The following EPHB1 variants were observed in gnomAD, a reference collection of about 807,000 sequenced individuals.
EPHB1 encodes the protein EPH receptor B1, also known as ephrin type-B receptor 1.
EPHB1 carries 30 observed loss-of-function variants against 94.4 expected under a neutral mutation model. That is an observed-to-expected ratio of 0.32 (90% CI 0.24 to 0.43). The LOEUF is 0.43. Among genes scored for constraint, EPHB1 ranks in the 20% least tolerant of loss-of-function variants. The pLI, the probability that EPHB1 is intolerant of heterozygous loss-of-function variation, is 1.00. For synonymous variants in EPHB1, 522 were observed against 489.1 expected (o/e 1.07, Z -0.89); for missense variants, 1,055 against 1,308.3 (o/e 0.81, Z 2.99).
chr3:135,052,021 A>G (rs1937183797), intron 3 of EPHB1, among the ~76,000 whole-genome samples: 1 of 152,234 alleles, frequency 6.6e-6, no homozygotes, highest in Non-Finnish European at 1.5e-5. Context: ...TGGCAATTTT[A>G]TATAGGTAAC....
Position 135,192,731 on chromosome 3 carries a change from A to T in EPHB1, c.2038A>T (p.Ile680Phe), listed in dbSNP as rs368515643. The stretch of plus-strand genomic sequence containing the variant: ...CATGGGCCAGTTCGACCATCCTAAC[A>T]TCATTCGCCTGGAGGGTGTGGTCAC... ...SIMGQFDHPN[I>F]IRLEGVVTKS... The change falls in exon 11 of 16, where the codon ATC becomes TTC. Residue 680 changes from isoleucine to phenylalanine, a missense_variant. Ile to Phe is a conservative substitution (Grantham distance 21, BLOSUM62 0). Coordinates refer to ENST00000398015, the MANE Select transcript of EPHB1 (RefSeq NM_004441.5). 6.2e-7 allele frequency: 1 copy of T among 1,614,174 alleles called. No homozygotes were observed. Among genetic ancestry groups the T allele is most frequent in the Non-Finnish European group, 8.5e-7 (1 of 1,180,018 alleles).
At chr3:134,923,593 G>T (rs1271507392) in intron 1 of EPHB1, among the ~76,000 whole-genome samples, 2 of 152,176 alleles carry the variant, frequency 1.3e-5, no homozygotes, top group Non-Finnish European at 2.9e-5. Context: ...TCCTGGACAG[G>T]CTCTCAGCAT....
chr3:134,963,451 C>T (rs1933607540), intron 3 of EPHB1, among the ~76,000 whole-genome samples: 1 of 152,036 alleles, frequency 6.6e-6, no homozygotes, highest in South Asian at 2.1e-4. Flanking sequence ...ATGGTTATAA[C>T]CTGGGTATGG....
intron 6 of EPHB1, among the ~76,000 whole-genome samples, chr3:135,160,935 G>A (rs1269243706): frequency 1.3e-5 from 2 of 152,170 alleles, no homozygotes; most frequent in African/African-American, 4.8e-5. Context: ...CCGGATTTAG[G>A]GGAATGTGAG....
At position 135,096,269 on chromosome 3, in the gene EPHB1, C is replaced by T. The variant is rs75584547; in HGVS notation, c.806-10179C>T. Among the ~76,000 whole-genome samples, 1,168 of 152,284 alleles carry T rather than the reference C, an allele frequency of 7.7e-3. 6 individuals carry two copies. Among genetic ancestry groups the T allele is most frequent in the Middle Eastern group, 0.024 (7 of 294 alleles). On this transcript the variant is annotated intron_variant, in intron 3 of 15. Transcript: ENST00000398015. ...AGCACCCCTTTTTACAAATGGGGGG[C>T]TGAGGGTCAAAGTTTAAATAACTTG...
chr3:135,118,974 C>CA (rs1294755236), intron 4 of EPHB1, among the ~76,000 whole-genome samples: 1 of 152,170 alleles, frequency 6.6e-6, no homozygotes, highest in Non-Finnish European at 1.5e-5. Context: ...AAGTGTTTCC[C>CA]AGAGGCCTTG....
At chr3:135,059,138 C>T (rs936137607) in intron 3 of EPHB1, among the ~76,000 whole-genome samples, 1 of 152,234 alleles carries the variant, frequency 6.6e-6, no homozygotes, top group South Asian at 2.1e-4. Flanking sequence ...GCAGCAGATT[C>T]TTCTGTACAG....
Position 135,208,496 on chromosome 3 carries a change from A to C in EPHB1, c.2346+6807A>C, listed in dbSNP as rs188960979. Among the ~76,000 whole-genome samples the C allele has an allele frequency of 3.1e-3, 466 of 152,266 alleles. 6 individuals are homozygous for C. Among genetic ancestry groups the C allele is most frequent in the Non-Finnish European group, 2.4e-3 (166 of 68,024 alleles). On this transcript the variant is annotated intron_variant, in intron 12 of 15. Transcript: ENST00000398015. Reference sequence around the variant, plus strand: ...GATTTCTTCCTGTTTTCTTTCACCAAAAAGCCATTAAGCAGACTCAACCAG... The same window carrying C: ...GATTTCTTCCTGTTTTCTTTCACCACAAAGCCATTAAGCAGACTCAACCAG...
intron 3 of EPHB1, among the ~76,000 whole-genome samples, chr3:134,995,283 G>C (rs905459361): frequency 1.2e-4 from 18 of 152,050 alleles, no homozygotes; most frequent in African/African-American, 4.4e-4. Context: ...TCTCAACCTG[G>C]ATGGATCTCA....
chr3:134,982,225 G>A (rs915490032), intron 3 of EPHB1, among the ~76,000 whole-genome samples: 3 of 152,136 alleles, frequency 2.0e-5, no homozygotes, highest in Middle Eastern at 3.2e-3. Flanking sequence ...ATTATCCTCT[G>A]CAGTTGTACT....
At chr3:134,940,688 C>A (rs1367726046) in intron 2 of EPHB1, among the ~76,000 whole-genome samples, 1 of 152,204 alleles carries the variant, frequency 6.6e-6, no homozygotes, top group Non-Finnish European at 1.5e-5. Flanking sequence ...TCCCTGATTA[C>A]CCCACTGCCA....
intron 15 of EPHB1, among the ~76,000 whole-genome samples, chr3:135,253,345 G>C (rs1215531913): frequency 1.3e-5 from 2 of 149,774 alleles, no homozygotes; most frequent in Non-Finnish European, 3.0e-5. Flanking sequence ...TATGGTTTTA[G>C]GTCTAACATT....
intron 3 of EPHB1, among the ~76,000 whole-genome samples, chr3:134,992,683 T>C (rs1934854123): frequency 1.3e-5 from 2 of 152,064 alleles, no homozygotes; most frequent in Non-Finnish European, 2.9e-5. Context: ...ACAGAGTGTG[T>C]AGAGTCTGAA....
chr3:135,022,158 G>C (rs1416213815), intron 3 of EPHB1, among the ~76,000 whole-genome samples: 1 of 152,034 alleles, frequency 6.6e-6, no homozygotes, highest in Non-Finnish European at 1.5e-5. Flanking sequence ...TTTTTGTATT[G>C]ACGAGGTTTC....
intron 4 of EPHB1, among the ~76,000 whole-genome samples, chr3:135,121,324 G>C (rs900677731): frequency 2.0e-5 from 3 of 152,246 alleles, no homozygotes; most frequent in Non-Finnish European, 4.4e-5. Context: ...TGCATGGAGA[G>C]AATTACTGAG....
At chr3:134,867,533 G>A (rs2108306243) in intron 1 of EPHB1, among the ~76,000 whole-genome samples, 2 of 152,322 alleles carry the variant, frequency 1.3e-5, no homozygotes, top group South Asian at 4.1e-4. Flanking sequence ...GCAGGTGACA[G>A]GGAGTGAGAG....
At chr3:134,844,996 C>A (rs2036845275) in intron 1 of EPHB1, among the ~76,000 whole-genome samples, 1 of 152,198 alleles carries the variant, frequency 6.6e-6, no homozygotes, top group Admixed American at 6.5e-5. Context: ...GTCTGTGAAT[C>A]TTCAATGCAT....
intron 3 of EPHB1, among the ~76,000 whole-genome samples, chr3:134,959,733 A>G (rs1241373890): frequency 1.3e-5 from 2 of 152,084 alleles, no homozygotes; most frequent in Non-Finnish European, 2.9e-5. Flanking sequence ...CTCACCAGGG[A>G]AGAAAAGGCT....
chr3:135,061,099 T>C (rs528951294), intron 3 of EPHB1, among the ~76,000 whole-genome samples: 2 of 152,324 alleles, frequency 1.3e-5, no homozygotes, highest in South Asian at 2.1e-4. Context: ...TCCAGTTCCA[T>C]CCAAGTTGTT....
Sources: gnomAD v4.1 joint callset for allele counts (sites outside exome capture counted in the v4.1 genomes callset) on GRCh38, gnomAD v4.1.1 for gene constraint, MANE v1.5 for transcripts, NCBI Gene and HGNC (gene_info 2026-07-23, HGNC 2026-07-21) for gene names.